Variants in FSTL4 observed in about 807,000 individuals in gnomAD.
FSTL4 encodes follistatin-related protein 4.
A neutral mutation model predicts 78.2 loss-of-function variants in FSTL4; 28 were observed. The observed-to-expected ratio is 0.36, with a 90% CI of 0.27 to 0.49. The LOEUF (loss-of-function observed/expected upper bound fraction) is 0.49, where lower values mean the gene tolerates loss of function less well. Ranked by LOEUF, FSTL4 falls within the 20% of genes least tolerant of loss-of-function variation. The pLI, the probability that FSTL4 is intolerant of heterozygous loss-of-function variation, is 0.98. For synonymous variants in FSTL4, 422 were observed against 440.5 expected (o/e 0.96, Z 0.53); for missense variants, 922 against 1,084.9 (o/e 0.85, Z 2.11).
intron 3 of FSTL4, among the ~76,000 whole-genome samples, chr5:133,467,257 A>ACT (rs142779242): frequency 7.2e-6 from 1 of 139,148 alleles, no homozygotes; most frequent in Non-Finnish European, 1.6e-5. Flanking sequence ...AGTATATGTG[A>ACT]GTGTGTGTGT....
At chr5:133,788,867 G>C in the FSTL4 span, among the ~76,000 whole-genome samples, 3 of 152,218 alleles carry the variant, frequency 2.0e-5, no homozygotes, top group African/African-American at 4.8e-5. Context: ...AATTTATAGG[G>C]CCTCCAGAGC....
chr5:133,283,998 A>T (rs1398523538), intron 6 of FSTL4, among the ~76,000 whole-genome samples: 1 of 152,214 alleles, frequency 6.6e-6, no homozygotes, highest in Non-Finnish European at 1.5e-5. Flanking sequence ...CACTATCATG[A>T]GAGTGGCAAG....
chr5:133,440,975 A>T lies in FSTL4; in HGVS notation c.161-39989T>A, dbSNP rs527872839. ...AAAGGAAGAAAACACTCCCGGTGTCAGGGCCTGCACAGCACAGGGCCTGGC... is the reference window on the plus strand; with the variant it reads ...AAAGGAAGAAAACACTCCCGGTGTCTGGGCCTGCACAGCACAGGGCCTGGC... On this transcript the variant is annotated intron_variant, in intron 3 of 15. Transcript: ENST00000265342. The surrounding 1 kb of genome is among the most constrained non-coding windows in gnomAD (Gnocchi z 4.1). Among the ~76,000 whole-genome samples, 20 of 152,308 alleles carry T rather than the reference A, an allele frequency of 1.3e-4. No homozygotes were observed. Among genetic ancestry groups the T allele is most frequent in the African/African-American group, 4.6e-4 (19 of 41,566 alleles).
At chr5:133,367,146 A>G (rs1158172163) in intron 4 of FSTL4, among the ~76,000 whole-genome samples, 1 of 152,118 alleles carries the variant, frequency 6.6e-6, no homozygotes, top group Non-Finnish European at 1.5e-5. Flanking sequence ...GGACTAGGAA[A>G]GGATGAGACA....
At chr5:133,425,921 G>T (rs1756803822) in intron 3 of FSTL4, among the ~76,000 whole-genome samples, 1 of 152,184 alleles carries the variant, frequency 6.6e-6, no homozygotes, top group South Asian at 2.1e-4. Flanking sequence ...AGGATAAAGA[G>T]CCTGCATTTG....
chr5:133,655,620 T>C, the FSTL4 span, among the ~76,000 whole-genome samples: 2 of 152,222 alleles, frequency 1.3e-5, no homozygotes, highest in East Asian at 1.9e-4. Context: ...CTTGTGTTCA[T>C]GGACCCAGAG....
intron 3 of FSTL4, among the ~76,000 whole-genome samples, chr5:133,447,034 T>A (rs1226656642): frequency 6.6e-6 from 1 of 152,188 alleles, no homozygotes; most frequent in African/African-American, 2.4e-5. Context: ...CCCAGGAGAC[T>A]GTTCACGGTG....
intron 1 of FSTL4, among the ~76,000 whole-genome samples, chr5:133,608,090 T>C (rs1295936862): frequency 2.0e-5 from 3 of 152,180 alleles, no homozygotes. Flanking sequence ...TAGAGGCAAA[T>C]GCAAGAATCT....
the FSTL4 span, among the ~76,000 whole-genome samples, chr5:133,801,081 G>A: frequency 6.6e-6 from 1 of 152,058 alleles, no homozygotes; most frequent in African/African-American, 2.4e-5. Context: ...CCTTCACCTG[G>A]TCGGGTTTCT....
the FSTL4 span, among the ~76,000 whole-genome samples, chr5:133,808,046 G>A: frequency 6.6e-6 from 1 of 152,144 alleles, no homozygotes; most frequent in Non-Finnish European, 1.5e-5. Flanking sequence ...TCATCTGCAC[G>A]ACCTGCAATA....
chr5:133,198,480 T>G lies in FSTL4; in HGVS notation c.*615A>C, dbSNP rs1436417921. 1.3e-5 allele frequency: 2 copies of G among 152,080 alleles called. No homozygotes were observed. Among genetic ancestry groups the G allele is most frequent in the African/African-American group, 4.8e-5 (2 of 41,256 alleles). The allele number at this position is 152,080 out of a possible 1,614,324, so 9.4% of individuals were successfully genotyped here. A position where few individuals can be genotyped will look rare whatever the true frequency, so the allele number is the denominator to read the frequency against. ...CTTACTAGCATTTGAGATTATAAAA[T>G]TTTTTTTTAATCAAAAATTTCCAAA... On this transcript the variant is annotated 3_prime_UTR_variant, in exon 16 of 16. Transcript: ENST00000265342.
At chr5:133,755,367 A>G in the FSTL4 span, among the ~76,000 whole-genome samples, 7 of 152,134 alleles carry the variant, frequency 4.6e-5, no homozygotes, top group Non-Finnish European at 1.0e-4. Context: ...CCGGGACAAT[A>G]AAAGCAGCAA....
At chr5:133,771,624 G>T in the FSTL4 span, among the ~76,000 whole-genome samples, 1 of 151,950 alleles carries the variant, frequency 6.6e-6, no homozygotes, top group Non-Finnish European at 1.5e-5. Flanking sequence ...CAAACCTAAG[G>T]ATTTTTTTTT....
chr5:133,623,541 A>G, the FSTL4 span, among the ~76,000 whole-genome samples: 1 of 151,888 alleles, frequency 6.6e-6, no homozygotes. Context: ...AAAAACCTAA[A>G]CTCTTGGGGG....
chr5:133,447,145 G>A lies in FSTL4; in HGVS notation c.161-46159C>T, dbSNP rs987220251. 2.6e-5 allele frequency among the ~76,000 whole-genome samples: 4 copies of A among 152,222 alleles called. No individual in the cohort carries two copies. The South Asian group carries it at 6.2e-4, about 24-fold the overall frequency. On this transcript the variant is annotated intron_variant, in intron 3 of 15. Transcript: ENST00000265342. ...GTGATGCTGATATACAGGAGGACTTGTGTGCCAAGCCCTGGGACAAGCCTC... is the reference window on the plus strand; with the variant it reads ...GTGATGCTGATATACAGGAGGACTTATGTGCCAAGCCCTGGGACAAGCCTC...
intron 3 of FSTL4, among the ~76,000 whole-genome samples, chr5:133,565,171 G>A (rs753889093): frequency 3.9e-5 from 6 of 152,162 alleles, no homozygotes; most frequent in African/African-American, 9.7e-5. Flanking sequence ...CTTTCAGTCC[G>A]GGGTCGAGTC....
At chr5:133,252,951 C>A (rs17166458) in intron 6 of FSTL4, among the ~76,000 whole-genome samples, 9,117 of 152,262 alleles carry the variant, frequency 0.06, 323 homozygotes, top group Middle Eastern at 0.12. Flanking sequence ...AGGAAAAACT[C>A]GTGCAAAATT....
chr5:133,397,464 A>G (rs1439633993), intron 4 of FSTL4, among the ~76,000 whole-genome samples: 2 of 152,356 alleles, frequency 1.3e-5, no homozygotes, highest in Non-Finnish European at 2.9e-5. Flanking sequence ...TTTCCCGTAC[A>G]TGCTAATGAT....
the FSTL4 span, among the ~76,000 whole-genome samples, chr5:133,650,198 G>A: frequency 6.9e-6 from 1 of 144,820 alleles, no homozygotes; most frequent in Admixed American, 6.9e-5. Context: ...ATTCATGAAG[G>A]ATTCACCCCC....
Sources: allele counts gnomAD v4.1 joint callset (sites outside exome capture counted in the v4.1 genomes callset), GRCh38; gene constraint gnomAD v4.1.1; non-coding constraint Gnocchi (gnomAD v3.1); transcripts MANE v1.5; gene names NCBI Gene and HGNC (gene_info 2026-07-23, HGNC 2026-07-21).